DCC: variants seen among roughly 807,000 people sequenced by gnomAD.
DCC encodes DCC netrin 1 receptor.
DCC carries 58 observed loss-of-function variants against 172.5 expected under a neutral mutation model. The ratio of observed to expected loss-of-function variants is 0.34; its 90% CI spans 0.27 to 0.42. The LOEUF (loss-of-function observed/expected upper bound fraction) is 0.42, where lower values mean the gene tolerates loss of function less well. Ranked by LOEUF, DCC falls within the 10% of genes least tolerant of loss-of-function variation. The pLI is 1.00. For synonymous variants in DCC, 709 were observed against 644.5 expected, an observed-to-expected ratio of 1.10 and a Z score of -1.52; for missense variants, 1,740 against 1,791.0, an observed-to-expected ratio of 0.97 and a Z score of 0.51.
intron 1 of DCC, among the ~76,000 whole-genome samples, chr18:52,463,407 T>A (rs1369274349): frequency 6.6e-6 from 1 of 152,172 alleles, no homozygotes; most frequent in East Asian, 1.9e-4. Flanking sequence ...TCATATTGGT[T>A]GATGCTATGT....
intron 1 of DCC, among the ~76,000 whole-genome samples, chr18:52,656,016 GTGTATATATA>G (rs2035239756): frequency 9.1e-6 from 1 of 110,490 alleles, no homozygotes; most frequent in Admixed American, 1.1e-4. Flanking sequence ...ATATATATGT[GTGTATATATA>G]TGTATATATG....
chr18:53,123,354 A>T (rs1305067838), intron 7 of DCC, among the ~76,000 whole-genome samples: 1 of 152,008 alleles, frequency 6.6e-6, no homozygotes, highest in East Asian at 1.9e-4. Flanking sequence ...GACCTACAAA[A>T]GGAAGAGGCA....
intron 11 of DCC, among the ~76,000 whole-genome samples, chr18:53,211,492 G>A (rs535512025): frequency 1.3e-5 from 2 of 152,206 alleles, no homozygotes; most frequent in Admixed American, 1.3e-4. Flanking sequence ...GGGAGGCCCA[G>A]GCGGGCAGAT....
intron 5 of DCC, among the ~76,000 whole-genome samples, chr18:52,948,309 TTGA>T (rs750281698): frequency 1.7e-5 from 2 of 117,040 alleles, no homozygotes; most frequent in Non-Finnish European, 3.5e-5. Context: ...TATCACAGTG[TTGA>T]TGTGTGTGTG....
intron 1 of DCC, among the ~76,000 whole-genome samples, chr18:52,502,829 TG>T (rs1224266409): frequency 6.6e-6 from 1 of 152,266 alleles, no homozygotes; most frequent in Non-Finnish European, 1.5e-5. Context: ...GAATCTCATA[TG>T]GAAGTGCATT....
intron 2 of DCC, among the ~76,000 whole-genome samples, chr18:52,867,515 T>C (rs1197992377): frequency 6.6e-6 from 1 of 152,034 alleles, no homozygotes; most frequent in Non-Finnish European, 1.5e-5. Context: ...GTCTTGGGTT[T>C]TTTTTTTTGG....
At chr18:53,467,513 T>G (rs575539338) in intron 24 of DCC, among the ~76,000 whole-genome samples, 2 of 152,188 alleles carry the variant, frequency 1.3e-5, no homozygotes, top group Admixed American at 1.3e-4. Flanking sequence ...TACATAGCTG[T>G]TAAAAATTAT....
At position 53,351,380 on chromosome 18, in the gene DCC, T is replaced by TAC. The variant is rs1308479000; in HGVS notation, c.2359+11475_2359+11476dup. ...TATATATATATACTGTATATATATATACAGTATATATATATACAGTGTATA... is the reference window on the plus strand; with the variant it reads ...TATATATATATACTGTATATATATATACACAGTATATATATATACAGTGTATA... On this transcript the variant is annotated intron_variant, in intron 15 of 28. Coordinates refer to ENST00000442544, the MANE Select transcript of DCC (RefSeq NM_005215.4). 4.2e-3 allele frequency among the ~76,000 whole-genome samples: 263 copies of TAC among 62,662 alleles called. 50 individuals carry two copies. The highest frequency in any genetic ancestry group is 0.017 in the African/African-American group (248 of 14,578). The allele number at this position is 62,662 out of a possible 152,430, so 41.1% of individuals were successfully genotyped here. A position where few individuals can be genotyped will look rare whatever the true frequency, so the allele number is the denominator to read the frequency against.
chr18:52,800,891 C>A (rs935197124), intron 2 of DCC, among the ~76,000 whole-genome samples: 12 of 152,090 alleles, frequency 7.9e-5, no homozygotes, highest in African/African-American at 2.7e-4. Context: ...TGGTCTGGGC[C>A]AGCTGGACTG....
At chr18:52,408,974 C>G (rs1389874513) in intron 1 of DCC, 1 of 152,066 alleles carries the variant, frequency 6.6e-6, no homozygotes, top group Non-Finnish European at 1.5e-5. Context: ...AAGCAGCTCA[C>G]TTTTGTTCAT....
chr18:52,953,203 T>C (rs2040686852), intron 5 of DCC, among the ~76,000 whole-genome samples: 1 of 152,026 alleles, frequency 6.6e-6, no homozygotes, highest in African/African-American at 2.4e-5. Context: ...AATAAACAGG[T>C]GAGTTACAGA....
chr18:52,943,906 C>T lies in DCC; in HGVS notation c.985+18536C>T, dbSNP rs1598955748. On this transcript the variant is annotated intron_variant, in intron 5 of 28. Transcript: ENST00000442544. ...CTGGGGCCGCAGGTGCCTGCCACGACAACCGGCTAACGACTTTTTTTCTGT... is the reference window on the plus strand; with the variant it reads ...CTGGGGCCGCAGGTGCCTGCCACGATAACCGGCTAACGACTTTTTTTCTGT... 2.6e-5 allele frequency among the ~76,000 whole-genome samples: 4 copies of T among 152,096 alleles called. 1 individual carries two copies. The South Asian group carries it at 8.3e-4, about 32-fold the overall frequency.
intron 7 of DCC, among the ~76,000 whole-genome samples, chr18:53,076,576 A>G (rs143193509): frequency 6.1e-4 from 93 of 152,230 alleles, no homozygotes; most frequent in African/African-American, 2.1e-3. Context: ...CTTTTTCTGT[A>G]GAGTAAGTTA....
chr18:52,600,692 A>AT (rs1456203943), intron 1 of DCC, among the ~76,000 whole-genome samples: 1 of 149,842 alleles, frequency 6.7e-6, no homozygotes, highest in Non-Finnish European at 1.5e-5. Context: ...AAGCTTTGTA[A>AT]TTTTCTCCTT....
At chr18:52,500,717 CT>C (rs1437853496) in intron 1 of DCC, among the ~76,000 whole-genome samples, 1 of 152,044 alleles carries the variant, frequency 6.6e-6, no homozygotes, top group Non-Finnish European at 1.5e-5. Context: ...CTCTGCAAAG[CT>C]TTTTCATAAT....
intron 5 of DCC, among the ~76,000 whole-genome samples, chr18:52,993,837 T>A (rs2041435129): frequency 1.3e-5 from 2 of 152,046 alleles, no homozygotes; most frequent in Non-Finnish European, 2.9e-5. Flanking sequence ...TCATGTTACA[T>A]ATCTGAGGGA....
At chr18:52,865,795 G>T (rs559402166) in intron 2 of DCC, among the ~76,000 whole-genome samples, 2 of 152,182 alleles carry the variant, frequency 1.3e-5, no homozygotes, top group African/African-American at 4.8e-5. Flanking sequence ...CCATTCTGTA[G>T]GTTCAGCATG....
intron 1 of DCC, among the ~76,000 whole-genome samples, chr18:52,498,334 T>C (rs1303077699): frequency 3.3e-5 from 5 of 152,072 alleles, no homozygotes. Context: ...ACTAAAATGA[T>C]GGATACTGGC....
chr18:53,311,778 G>T lies in DCC; in HGVS notation c.2053+6059G>T, dbSNP rs200115499. On this transcript the variant is annotated intron_variant, in intron 13 of 28. Coordinates refer to ENST00000442544, the MANE Select transcript of DCC (RefSeq NM_005215.4). ...TTATGTATCCCCATTTTATGGATGA[G>T]GGCATGGAAGTAAACAAAGAGGCCT... Among the ~76,000 whole-genome samples the T allele has an allele frequency of 3.3e-5, 5 of 152,170 alleles. No homozygotes were observed. In the East Asian group the frequency reaches 9.7e-4, roughly 29 times the overall value.
Sources: gnomAD v4.1 joint callset for allele counts (sites outside exome capture counted in the v4.1 genomes callset) on GRCh38, gnomAD v4.1.1 for gene constraint, MANE v1.5 for transcripts, NCBI Gene and HGNC (gene_info 2026-07-23, HGNC 2026-07-21) for gene names.